Variants in CALN1 observed in about 807,000 individuals in gnomAD.
The protein encoded by CALN1 is calcium-binding protein 8.
A neutral mutation model predicts 30.6 loss-of-function variants in CALN1; 17 were observed. The observed-to-expected ratio is 0.56, with a 90% CI of 0.38 to 0.83. CALN1 has a LOEUF of 0.83. Ranked by LOEUF, CALN1 falls within the 40% of genes least tolerant of loss-of-function variation. The probability of loss-of-function intolerance (pLI) is 0.00; values close to 1 mark genes in which losing one functional copy is unlikely to be tolerated. For missense variants in CALN1, 291 were observed against 354.9 expected (o/e 0.82, Z 1.45); for synonymous variants, 156 against 131.4 (o/e 1.19, Z -1.28).
chr7:72,275,169 A>C (rs959173949), intron 3 of CALN1, among the ~76,000 whole-genome samples: 8 of 152,068 alleles, frequency 5.3e-5, no homozygotes, highest in Non-Finnish European at 8.8e-5. Context: ...CACCCAACTA[A>C]TGCCTATGCT....
intron 5 of CALN1, among the ~76,000 whole-genome samples, chr7:71,872,747 G>C (rs759295175): frequency 2.0e-5 from 3 of 150,782 alleles, no homozygotes; most frequent in African/African-American, 7.3e-5. Context: ...CTGAGGAGCT[G>C]TGACTACGGG....
intron 5 of CALN1, among the ~76,000 whole-genome samples, chr7:71,984,157 A>T (rs1226258445): frequency 6.6e-6 from 1 of 152,200 alleles, no homozygotes; most frequent in African/African-American, 2.4e-5. Flanking sequence ...GAAACAGCAC[A>T]GATGAGCCAA....
intron 2 of CALN1, among the ~76,000 whole-genome samples, chr7:72,293,232 G>T (rs75388443): frequency 2.6e-5 from 4 of 152,156 alleles, no homozygotes; most frequent in African/African-American, 9.7e-5. Flanking sequence ...TGGCAGCAAC[G>T]TATTCCCACC....
At chr7:71,806,258 A>G (rs28760004) in intron 6 of CALN1, among the ~76,000 whole-genome samples, 2 of 141,830 alleles carry the variant, frequency 1.4e-5, no homozygotes, top group Non-Finnish European at 3.0e-5. Flanking sequence ...ATGCACACAC[A>G]CACACACACA....
In CALN1 at chr7:71,936,680, G is replaced by A. The variant is rs115925645; in HGVS notation, c.501+86977C>T. ...CCCAACCCCTGTTATCTACTCTCCT[G>A]AAAGCTTTTTTCAATTTGATCCCCA... On this transcript the variant is annotated intron_variant, in intron 5 of 6. Coordinates refer to ENST00000395275, the MANE Select transcript of CALN1 (RefSeq NM_031468.4). Among the ~76,000 whole-genome samples the A allele has an allele frequency of 9.8e-3, 1,499 of 152,220 alleles. 28 individuals carry two copies. The highest frequency in any genetic ancestry group is 0.034 in the African/African-American group (1,411 of 41,526).
chr7:72,386,285 C>T (rs983965714), intron 2 of CALN1, among the ~76,000 whole-genome samples: 2 of 152,038 alleles, frequency 1.3e-5, no homozygotes, highest in Admixed American at 6.5e-5. Flanking sequence ...GGATGGAATA[C>T]AGAATGTGAC....
chr7:72,090,167 T>G (rs1805756851), intron 4 of CALN1, among the ~76,000 whole-genome samples: 1 of 152,128 alleles, frequency 6.6e-6, no homozygotes. Context: ...CCAGACCTGG[T>G]GGCGCATGCC....
At chr7:71,838,238 G>C (rs1040792045) in intron 5 of CALN1, among the ~76,000 whole-genome samples, 2 of 152,190 alleles carry the variant, frequency 1.3e-5, no homozygotes, top group African/African-American at 4.8e-5. Flanking sequence ...AATGAAAAAT[G>C]CCTGTTAGTA....
chr7:72,135,022 T>G (rs1472101558), intron 3 of CALN1, among the ~76,000 whole-genome samples: 1 of 152,224 alleles, frequency 6.6e-6, no homozygotes, highest in Non-Finnish European at 1.5e-5. Flanking sequence ...AGCTCATCCA[T>G]AAGAAGCAAC....
At chr7:72,410,008 AATTT>A (rs1440692290) in intron 1 of CALN1, among the ~76,000 whole-genome samples, 3 of 152,152 alleles carry the variant, frequency 2.0e-5, no homozygotes, top group African/African-American at 4.8e-5. Flanking sequence ...CCACAAAAAG[AATTT>A]ATTTTTGTTA....
At chr7:72,036,579 G>A (rs530559451) in intron 4 of CALN1, among the ~76,000 whole-genome samples, 69 of 151,922 alleles carry the variant, frequency 4.5e-4, no homozygotes, top group Non-Finnish European at 5.9e-4. Flanking sequence ...CTATCTTCAA[G>A]TTTACTGATT....
chr7:72,074,270 A>G (rs1804589419), intron 4 of CALN1, among the ~76,000 whole-genome samples: 1 of 152,178 alleles, frequency 6.6e-6, no homozygotes, highest in Admixed American at 6.5e-5. Context: ...CCATGAACGA[A>G]AATGTTTCCA....
At chr7:72,455,890 T>C in the CALN1 span, among the ~76,000 whole-genome samples, 2 of 152,122 alleles carry the variant, frequency 1.3e-5, no homozygotes, top group Non-Finnish European at 2.9e-5. Context: ...GAAGCCACTA[T>C]AGGGCTAAGC....
chr7:72,232,114 C>G (rs1157433145), intron 3 of CALN1, among the ~76,000 whole-genome samples: 1 of 152,136 alleles, frequency 6.6e-6, no homozygotes, highest in Non-Finnish European at 1.5e-5. Flanking sequence ...TCATGGGAAT[C>G]ACAGTGACAC....
At chr7:72,144,788 G>A (rs918168945) in intron 3 of CALN1, among the ~76,000 whole-genome samples, 25 of 152,262 alleles carry the variant, frequency 1.6e-4, no homozygotes, top group Middle Eastern at 3.4e-3. Context: ...AGACCACAGT[G>A]CAATCAAATT....
chr7:72,320,010 T>C (rs981267228), intron 2 of CALN1, among the ~76,000 whole-genome samples: 1 of 151,836 alleles, frequency 6.6e-6, no homozygotes, highest in African/African-American at 2.4e-5. Context: ...AAAAACAAAT[T>C]AGCCAGGGCG....
chr7:72,410,073 T>C (rs1807011785), intron 1 of CALN1, among the ~76,000 whole-genome samples: 1 of 152,298 alleles, frequency 6.6e-6, no homozygotes, highest in South Asian at 2.1e-4. Flanking sequence ...AAATGTTCCA[T>C]TGTGCGGGTC....
intron 5 of CALN1, among the ~76,000 whole-genome samples, chr7:71,910,759 C>G (rs536482160): frequency 2.0e-5 from 3 of 152,168 alleles, no homozygotes; most frequent in Admixed American, 1.3e-4. Context: ...CTGAAGCTAC[C>G]CTTGTTTCCT....
intron 2 of CALN1, among the ~76,000 whole-genome samples, chr7:72,305,849 A>C (rs1357899943): frequency 6.6e-6 from 1 of 152,190 alleles, no homozygotes; most frequent in Non-Finnish European, 1.5e-5. Context: ...CCTGGCTTAC[A>C]AATGGCCACC....
Sources: allele counts gnomAD v4.1 joint callset (sites outside exome capture counted in the v4.1 genomes callset), GRCh38; gene constraint gnomAD v4.1.1; transcripts MANE v1.5; gene names NCBI Gene and HGNC (gene_info 2026-07-23, HGNC 2026-07-21).